EPHB1: variants seen among roughly 807,000 people sequenced by gnomAD.
EPHB1 encodes the protein EPH receptor B1, also known as ephrin type-B receptor 1.
EPHB1 carries 30 observed loss-of-function variants against 94.4 expected under a neutral mutation model. That is an observed-to-expected ratio of 0.32 (90% CI 0.24 to 0.43). EPHB1 has a LOEUF of 0.43. Ranked by LOEUF, EPHB1 falls within the 20% of genes least tolerant of loss-of-function variation. The pLI is 1.00. For synonymous variants in EPHB1, 522 were observed against 489.1 expected, an observed-to-expected ratio of 1.07 and a Z score of -0.89; for missense variants, 1,055 against 1,308.3, an observed-to-expected ratio of 0.81 and a Z score of 2.99.
At chr3:134,981,632 T>C (rs993323398) in intron 3 of EPHB1, among the ~76,000 whole-genome samples, 3 of 152,232 alleles carry the variant, frequency 2.0e-5, no homozygotes, top group Non-Finnish European at 2.9e-5. Flanking sequence ...CTTTTTTTCT[T>C]CTTCACATTT....
intron 3 of EPHB1, among the ~76,000 whole-genome samples, chr3:134,987,807 A>C (rs1055600195): frequency 1.3e-5 from 2 of 152,108 alleles, no homozygotes; most frequent in Non-Finnish European, 2.9e-5. Flanking sequence ...CCATGTGAGG[A>C]CATAGCAAGA....
chr3:135,054,543 C>A (rs1424635212), intron 3 of EPHB1, among the ~76,000 whole-genome samples: 1 of 152,112 alleles, frequency 6.6e-6, no homozygotes, highest in East Asian at 1.9e-4. Context: ...GGCAACTGTC[C>A]AGAGCACAGA....
chr3:134,803,648 T>A (rs1172325785), intron 1 of EPHB1, among the ~76,000 whole-genome samples: 1 of 152,234 alleles, frequency 6.6e-6, no homozygotes, highest in Non-Finnish European at 1.5e-5. Flanking sequence ...GGTCCCCATA[T>A]CCTTTGTATC....
At chr3:134,937,962 T>C (rs1181059560) in intron 2 of EPHB1, among the ~76,000 whole-genome samples, 2 of 149,506 alleles carry the variant, frequency 1.3e-5, no homozygotes, top group Admixed American at 1.3e-4. Flanking sequence ...GACCTCCTTG[T>C]TATAGGGCTG....
chr3:135,223,974 G>A (rs1340575497), intron 12 of EPHB1, among the ~76,000 whole-genome samples: 2 of 152,060 alleles, frequency 1.3e-5, no homozygotes, highest in Non-Finnish European at 2.9e-5. Context: ...TGATGTTTTG[G>A]TCAGCGACAA....
chr3:135,010,628 A>G (rs1461763333), intron 3 of EPHB1, among the ~76,000 whole-genome samples: 1 of 140,128 alleles, frequency 7.1e-6, no homozygotes, highest in Non-Finnish European at 1.5e-5. Context: ...CAATGGCACG[A>G]TCTTGGCTCA....
chr3:135,087,746 G>C (rs963254235), intron 3 of EPHB1, among the ~76,000 whole-genome samples: 1 of 152,140 alleles, frequency 6.6e-6, no homozygotes, highest in African/African-American at 2.4e-5. Context: ...CTAGGGAGCC[G>C]ACACCCACTA....
At chr3:135,026,755 G>T (rs1175693219) in intron 3 of EPHB1, among the ~76,000 whole-genome samples, 15 of 133,198 alleles carry the variant, frequency 1.1e-4, no homozygotes, top group African/African-American at 2.5e-4. Flanking sequence ...GTGAAGAAAG[G>T]CATTGGTAGC....
chr3:135,183,000 C>CTTTTCTTTTCTTTTT (rs1942199903), intron 10 of EPHB1, among the ~76,000 whole-genome samples: 1 of 65,588 alleles, frequency 1.5e-5, no homozygotes. Flanking sequence ...CTTTTCTTTT[C>CTTTTCTTTTCTTTTT]TTTTCTTTTC....
At chr3:134,882,753 T>TCTTC (rs144731148) in intron 1 of EPHB1, among the ~76,000 whole-genome samples, 100 of 63,290 alleles carry the variant, frequency 1.6e-3, no homozygotes, top group African/African-American at 5.8e-3. Flanking sequence ...TTTCTTCCTT[T>TCTTC]CTTCCTTCCT....
In EPHB1 at chr3:135,173,094, G is replaced by A. The variant is rs368427538; in HGVS notation, c.1759+6088G>A. 5.8e-4 allele frequency among the ~76,000 whole-genome samples: 87 copies of A among 150,330 alleles called. 2 individuals are homozygous for A. In the East Asian group the frequency reaches 0.016, roughly 27 times the overall value. ...CTGTCGCCCAGGCTGGAGTGCAGTG[G>A]CGGGATCTCAGCTCACTGCAAGCTC... On this transcript the variant is annotated intron_variant, in intron 9 of 15. Coordinates refer to ENST00000398015, the MANE Select transcript of EPHB1 (RefSeq NM_004441.5).
chr3:134,845,074 T>C (rs2036847134), intron 1 of EPHB1, among the ~76,000 whole-genome samples: 1 of 152,242 alleles, frequency 6.6e-6, no homozygotes, highest in Admixed American at 6.5e-5. Flanking sequence ...GAAAAATGAC[T>C]GACAGAGAGT....
At chr3:134,929,319 C>T (rs1043457887) in intron 2 of EPHB1, among the ~76,000 whole-genome samples, 11 of 152,094 alleles carry the variant, frequency 7.2e-5, no homozygotes, top group Non-Finnish European at 1.3e-4. Flanking sequence ...ATGTGGAGTC[C>T]AGGTAGCAGG....
intron 3 of EPHB1, among the ~76,000 whole-genome samples, chr3:135,076,525 A>G (rs1168075110): frequency 6.6e-6 from 1 of 152,146 alleles, no homozygotes; most frequent in Non-Finnish European, 1.5e-5. Flanking sequence ...CTGCTTTGGA[A>G]AACAGTTTGG....
chr3:134,900,029 G>T (rs2038169638), intron 1 of EPHB1, among the ~76,000 whole-genome samples: 1 of 152,222 alleles, frequency 6.6e-6, no homozygotes, highest in Non-Finnish European at 1.5e-5. Flanking sequence ...GTAGGAGAAT[G>T]GACTTTGGGG....
chr3:135,118,335 A>G (rs981333805), intron 4 of EPHB1, among the ~76,000 whole-genome samples: 3 of 152,206 alleles, frequency 2.0e-5, no homozygotes, highest in African/African-American at 7.2e-5. Flanking sequence ...CTCTAACACT[A>G]ATAACTGGCA....
intron 4 of EPHB1, among the ~76,000 whole-genome samples, chr3:135,110,397 G>C (rs1213983015): frequency 6.6e-6 from 1 of 152,196 alleles, no homozygotes; most frequent in Non-Finnish European, 1.5e-5. Flanking sequence ...AGTCTTTCGG[G>C]GTTTCCCTGG....
intron 3 of EPHB1, among the ~76,000 whole-genome samples, chr3:135,042,915 C>T (rs894509706): frequency 6.6e-6 from 1 of 152,178 alleles, no homozygotes; most frequent in Non-Finnish European, 1.5e-5. Flanking sequence ...AATCTCGGCT[C>T]ACTGCAACCT....
chr3:135,227,334 C>T (rs1943425228), intron 12 of EPHB1, among the ~76,000 whole-genome samples: 1 of 152,184 alleles, frequency 6.6e-6, no homozygotes, highest in South Asian at 2.1e-4. Context: ...AAAAGTGAAA[C>T]TGACTCCCCC....
Sources: allele counts gnomAD v4.1 joint callset (sites outside exome capture counted in the v4.1 genomes callset), GRCh38; gene constraint gnomAD v4.1.1; transcripts MANE v1.5; gene names NCBI Gene and HGNC (gene_info 2026-07-23, HGNC 2026-07-21).